TFDP2: variants seen among roughly 807,000 people sequenced by gnomAD.
TFDP2 encodes transcription factor Dp-2.
TFDP2 carries 17 observed loss-of-function variants against 59.3 expected under a neutral mutation model. The ratio of observed to expected loss-of-function variants is 0.29; its 90% CI spans 0.20 to 0.43. The LOEUF (loss-of-function observed/expected upper bound fraction) is 0.43. Ranked by LOEUF, TFDP2 falls within the 20% of genes least tolerant of loss-of-function variation. The pLI is 1.00. For synonymous variants in TFDP2, 180 were observed against 194.7 expected (o/e 0.92, Z 0.63); for missense variants, 391 against 528.8 (o/e 0.74, Z 2.56).
intron 3 of TFDP2, among the ~76,000 whole-genome samples, chr3:142,048,906 T>C (rs1010163974): frequency 1.3e-5 from 2 of 152,166 alleles, no homozygotes; most frequent in Non-Finnish European, 2.9e-5. Context: ...CTTGGGAAAT[T>C]AACTGCTCTG....
chr3:142,118,170 G>A (rs1223534800), intron 1 of TFDP2, among the ~76,000 whole-genome samples: 4 of 151,942 alleles, frequency 2.6e-5, no homozygotes, highest in Non-Finnish European at 1.5e-5. Flanking sequence ...TAGAATCAAG[G>A]AACAACTCTT....
intron 3 of TFDP2, among the ~76,000 whole-genome samples, chr3:142,090,155 T>C (rs951011615): frequency 3.9e-5 from 6 of 152,292 alleles, no homozygotes; most frequent in Middle Eastern, 3.4e-3. Context: ...GAGCAACAGT[T>C]TTCTTTTAAA....
intron 3 of TFDP2, among the ~76,000 whole-genome samples, chr3:142,086,009 T>A (rs576807616): frequency 1.3e-5 from 2 of 152,190 alleles, no homozygotes; most frequent in African/African-American, 4.8e-5. Flanking sequence ...GCTTATCATT[T>A]CTTTCCCTTC....
intron 6 of TFDP2, among the ~76,000 whole-genome samples, chr3:141,985,609 A>G (rs1300443076): frequency 6.6e-6 from 1 of 152,098 alleles, no homozygotes; most frequent in East Asian, 1.9e-4. Flanking sequence ...TAACCTTAAT[A>G]AAAATTAACT....
At chr3:141,971,876 C>T (rs931100135) in intron 8 of TFDP2, among the ~76,000 whole-genome samples, 7 of 152,202 alleles carry the variant, frequency 4.6e-5, no homozygotes, top group African/African-American at 1.4e-4. Context: ...GAATGTTCAA[C>T]CTCTTCTGCT....
At chr3:141,954,264 C>A (rs972692545) in intron 11 of TFDP2, among the ~76,000 whole-genome samples, 3 of 152,188 alleles carry the variant, frequency 2.0e-5, no homozygotes, top group African/African-American at 7.2e-5. Context: ...CTGATCAATT[C>A]TTATTGTAAT....
At chr3:141,952,819 C>G (rs772542980) in intron 12 of TFDP2, 92 bp downstream of exon 12, 1 of 1,538,984 alleles carries the variant, frequency 6.5e-7, no homozygotes, top group Non-Finnish European at 9.0e-7. Context: ...CTCAGCAGGA[C>G]CTGTGCTGGC....
intron 3 of TFDP2, among the ~76,000 whole-genome samples, chr3:142,016,279 C>T (rs991099025): frequency 1.4e-5 from 2 of 142,650 alleles, no homozygotes; most frequent in South Asian, 4.5e-4. Flanking sequence ...GGATTACAGG[C>T]GTGAACCACC....
At chr3:141,969,232 G>A (rs1205868411) in intron 9 of TFDP2, among the ~76,000 whole-genome samples, 1 of 65,846 alleles carries the variant, frequency 1.5e-5, no homozygotes, top group Non-Finnish European at 2.8e-5. Context: ...ATATATATGA[G>A]ATATATATAT....
At chr3:142,139,226 T>C (rs1406404663) in intron 1 of TFDP2, among the ~76,000 whole-genome samples, 1 of 152,178 alleles carries the variant, frequency 6.6e-6, no homozygotes, top group Non-Finnish European at 1.5e-5. Context: ...TGGTAGATCT[T>C]CCACCATCCC....
At chr3:142,022,852 G>A (rs1945722513) in intron 3 of TFDP2, among the ~76,000 whole-genome samples, 1 of 152,060 alleles carries the variant, frequency 6.6e-6, no homozygotes, top group African/African-American at 2.4e-5. Flanking sequence ...CCGGGCACAG[G>A]TGGCTCACGC....
intron 10 of TFDP2, among the ~76,000 whole-genome samples, chr3:141,961,246 T>TTG (rs1233884799): frequency 2.1e-5 from 3 of 142,656 alleles, no homozygotes; most frequent in African/African-American, 7.8e-5. Flanking sequence ...TGTTTTTTTT[T>TTG]TTTTTTTTTT....
At chr3:141,961,740 T>A (rs1937387787) in intron 10 of TFDP2, among the ~76,000 whole-genome samples, 1 of 152,130 alleles carries the variant, frequency 6.6e-6, no homozygotes, top group South Asian at 2.1e-4. Context: ...GAAAGGAACA[T>A]GATCTCAGAG....
At chr3:141,993,652 T>TTA in intron 5 of TFDP2, 67 bp from the exon 6 acceptor site, 1 of 918,418 alleles carries the variant, frequency 1.1e-6, no homozygotes, top group Non-Finnish European at 1.6e-6. Flanking sequence ...CATTAATACT[T>TTA]TATTATAACT....
chr3:141,949,522 G>GC lies in TFDP2; in HGVS notation c.*2990dup, dbSNP rs936079719. 6.6e-6 allele frequency: 1 copy of GC among 152,446 alleles called. No homozygotes were observed. Among genetic ancestry groups the GC allele is most frequent in the African/African-American group, 2.4e-5 (1 of 41,452 alleles). 9.4% of individuals were successfully genotyped at this position (152,446 alleles called of 1,614,324 possible). On this transcript the variant is annotated 3_prime_UTR_variant, in exon 13 of 13. Transcript: ENST00000489671. ...GAAGGCAGCCTAGTAGGCACCTGGG[G>GC]CCCGTAAGCGCTGCTGTGTGCCTAG...
intron 10 of TFDP2, among the ~76,000 whole-genome samples, chr3:141,961,936 G>C (rs924540454): frequency 4.6e-5 from 7 of 152,070 alleles, no homozygotes; most frequent in South Asian, 2.1e-4. Flanking sequence ...GCAACAGTGA[G>C]AACAGTGAGA....
intron 3 of TFDP2, among the ~76,000 whole-genome samples, chr3:142,069,097 G>A (rs549418398): frequency 2.6e-5 from 4 of 152,034 alleles, no homozygotes; most frequent in African/African-American, 9.7e-5. Flanking sequence ...TGTATTTTTA[G>A]TAGAGACGAG....
intron 9 of TFDP2, among the ~76,000 whole-genome samples, chr3:141,968,497 GAT>G (rs1309912988): frequency 6.9e-5 from 6 of 86,478 alleles, no homozygotes; most frequent in African/African-American, 2.6e-4. Context: ...CTCATATATA[GAT>G]ATATATAACA....
At chr3:142,029,263 C>T (rs905559388) in intron 3 of TFDP2, 2 of 150,658 alleles carry the variant, frequency 1.3e-5, no homozygotes, top group Non-Finnish European at 3.0e-5. Context: ...CAGTCCTGCC[C>T]CGAGATAGGA....
Sources: gnomAD v4.1 joint callset for allele counts (sites outside exome capture counted in the v4.1 genomes callset) on GRCh38, gnomAD v4.1.1 for gene constraint, MANE v1.5 for transcripts, NCBI Gene and HGNC (gene_info 2026-07-23, HGNC 2026-07-21) for gene names.